Variants in SLC4A10 observed in about 807,000 individuals in gnomAD.
The protein encoded by SLC4A10 is sodium-driven chloride bicarbonate exchanger.
In SLC4A10, 42 loss-of-function variants were observed where a neutral mutation model predicts 137.7. The observed-to-expected ratio is 0.30, with a 90% CI of 0.24 to 0.39. SLC4A10 has a LOEUF of 0.39. Among genes scored for constraint, SLC4A10 ranks in the 10% least tolerant of loss-of-function variants. SLC4A10 has a pLI of 1.00. For synonymous variants in SLC4A10, 474 were observed against 464.1 expected, an observed-to-expected ratio of 1.02 and a Z score of -0.27; for missense variants, 925 against 1,355.0, an observed-to-expected ratio of 0.68 and a Z score of 4.98.
chr2:161,677,493 T>C (rs1182577148), intron 1 of SLC4A10, among the ~76,000 whole-genome samples: 1 of 152,174 alleles, frequency 6.6e-6, no homozygotes, highest in Non-Finnish European at 1.5e-5. Context: ...AGATATCTTA[T>C]TCTTGAGATA....
intron 16 of SLC4A10, among the ~76,000 whole-genome samples, chr2:161,944,516 G>C (rs1214795110): frequency 6.6e-6 from 1 of 151,732 alleles, no homozygotes; most frequent in Non-Finnish European, 1.5e-5. Flanking sequence ...TAGATACCCT[G>C]AGTTTTGAGG....
At chr2:161,940,748 G>A (rs1180080653) in intron 15 of SLC4A10, among the ~76,000 whole-genome samples, 1 of 152,210 alleles carries the variant, frequency 6.6e-6, no homozygotes, top group African/African-American at 2.4e-5. Context: ...TAGTGTATGA[G>A]AGAGAATCAG....
intron 1 of SLC4A10, among the ~76,000 whole-genome samples, chr2:161,736,386 G>C (rs1483688208): frequency 1.3e-5 from 2 of 152,102 alleles, no homozygotes; most frequent in Non-Finnish European, 2.9e-5. Flanking sequence ...ACAAATGTAA[G>C]ACTTTGTATT....
chr2:161,668,552 T>C (rs187471720), intron 1 of SLC4A10, among the ~76,000 whole-genome samples: 18 of 151,940 alleles, frequency 1.2e-4, no homozygotes, highest in African/African-American at 4.3e-4. Flanking sequence ...GAACAGGGAC[T>C]TTAAATATTA....
chr2:161,768,114 A>C lies in SLC4A10; in HGVS notation c.49-2859A>C, dbSNP rs191876257. 9.9e-5 allele frequency among the ~76,000 whole-genome samples: 15 copies of C among 152,134 alleles called. No homozygotes were observed. In the East Asian group the frequency reaches 2.9e-3, roughly 29 times the overall value. ...GATAGGCAAAGGTCTAACTGACTTG[A>C]AAAGAAAACAAATACTCTGATTTTG... On this transcript the variant is annotated intron_variant, in intron 1 of 26. Coordinates refer to ENST00000446997, the MANE Select transcript of SLC4A10 (RefSeq NM_001178015.2).
intron 1 of SLC4A10, among the ~76,000 whole-genome samples, chr2:161,708,268 C>G (rs2043903475): frequency 6.6e-6 from 1 of 151,372 alleles, no homozygotes; most frequent in Admixed American, 6.6e-5. Flanking sequence ...TATAATTTTG[C>G]TTGGTAAGTC....
chr2:161,848,015 C>T (rs1395606607), intron 4 of SLC4A10, among the ~76,000 whole-genome samples: 1 of 152,168 alleles, frequency 6.6e-6, no homozygotes, highest in African/African-American at 2.4e-5. Context: ...ATTCCCCTTC[C>T]TCTGCAACCT....
intron 21 of SLC4A10, among the ~76,000 whole-genome samples, chr2:161,962,821 C>A (rs1696952980): frequency 6.6e-6 from 1 of 152,096 alleles, no homozygotes; most frequent in Non-Finnish European, 1.5e-5. Context: ...TGTATACAAG[C>A]AGGTCTTGGT....
At chr2:161,753,130 T>C (rs2049173843) in intron 1 of SLC4A10, among the ~76,000 whole-genome samples, 1 of 152,176 alleles carries the variant, frequency 6.6e-6, no homozygotes, top group Admixed American at 6.6e-5. Flanking sequence ...CATTAAATTA[T>C]AAAACAATTC....
At chr2:161,710,018 T>C (rs2044108530) in intron 1 of SLC4A10, 1 of 151,510 alleles carries the variant, frequency 6.6e-6, no homozygotes, top group Admixed American at 6.6e-5. Flanking sequence ...ATGACATAGA[T>C]TAAAAAAATG....
At position 161,733,637 on chromosome 2, in the gene SLC4A10, G is replaced by A. The variant is rs868765691; in HGVS notation, c.49-37336G>A. ...TGCCTAGTGGAGCTGTGAGAAGAGA[G>A]CCACTATCCTCCAGATCCCAGAATA... On this transcript the variant is annotated intron_variant, in intron 1 of 26. Coordinates refer to ENST00000446997, the MANE Select transcript of SLC4A10 (RefSeq NM_001178015.2). Among the ~76,000 whole-genome samples the A allele has an allele frequency of 2.6e-5, 4 of 152,224 alleles. No homozygotes were observed. The South Asian group carries it at 6.2e-4, about 24-fold the overall frequency.
intron 16 of SLC4A10, among the ~76,000 whole-genome samples, chr2:161,945,283 A>G (rs1261378708): frequency 2.1e-5 from 3 of 146,178 alleles, no homozygotes; most frequent in Non-Finnish European, 4.5e-5. Context: ...CTTAGGCAAG[A>G]TTTAAAATAT....
chr2:161,710,090 T>C (rs772097658), intron 1 of SLC4A10, among the ~76,000 whole-genome samples: 8 of 151,644 alleles, frequency 5.3e-5, no homozygotes. Flanking sequence ...TCCTTTTTAA[T>C]TAAAAACACA....
intron 1 of SLC4A10, among the ~76,000 whole-genome samples, chr2:161,720,680 G>T (rs923169322): frequency 3.3e-5 from 5 of 151,872 alleles, no homozygotes; most frequent in Non-Finnish European, 7.4e-5. Context: ...AGTCTCTTTT[G>T]TCAGAAACTA....
intron 17 of SLC4A10, among the ~76,000 whole-genome samples, chr2:161,948,251 T>C (rs1274341889): frequency 6.6e-6 from 1 of 151,976 alleles, no homozygotes; most frequent in Non-Finnish European, 1.5e-5. Context: ...CTATAATGTC[T>C]GATTCCGCCA....
chr2:161,748,976 G>T (rs563142690), intron 1 of SLC4A10, among the ~76,000 whole-genome samples: 7 of 151,898 alleles, frequency 4.6e-5, no homozygotes, highest in Non-Finnish European at 7.4e-5. Context: ...ATAGTTTTCA[G>T]TGTACAGATC....
At position 161,655,411 on chromosome 2, in the gene SLC4A10, C is replaced by T. The variant is rs148294654; in HGVS notation, c.48+30845C>T. Among the ~76,000 whole-genome samples the T allele has an allele frequency of 8.4e-3, 1,271 of 152,214 alleles. 7 individuals are homozygous for T. The highest frequency in any genetic ancestry group is 0.023 in the African/African-American group (970 of 41,530). On this transcript the variant is annotated intron_variant, in intron 1 of 26. Transcript: ENST00000446997. ...CCAGTACTATTTTGAATAGAAATGA[C>T]GAGAATGGTCATCCCTGCATTTTCC...
intron 1 of SLC4A10, among the ~76,000 whole-genome samples, chr2:161,640,174 A>G (rs2035070100): frequency 6.6e-6 from 1 of 152,100 alleles, no homozygotes; most frequent in South Asian, 2.1e-4. Flanking sequence ...GTCATAATCC[A>G]GTACTTTGTT....
intron 3 of SLC4A10, among the ~76,000 whole-genome samples, chr2:161,806,343 G>A (rs970950784): frequency 6.6e-5 from 10 of 152,006 alleles, no homozygotes; most frequent in Non-Finnish European, 1.2e-4. Context: ...TTAACATTTG[G>A]CTCCTCATTA....
Sources: allele counts gnomAD v4.1 joint callset (sites outside exome capture counted in the v4.1 genomes callset), GRCh38; gene constraint gnomAD v4.1.1; transcripts MANE v1.5; gene names NCBI Gene and HGNC (gene_info 2026-07-23, HGNC 2026-07-21).